CCDC126: variants seen among roughly 807,000 people sequenced by gnomAD.
CCDC126 encodes coiled-coil domain containing 126.
A neutral mutation model predicts 11.7 loss-of-function variants in CCDC126; 5 were observed. That is an observed-to-expected ratio of 0.43 (90% CI 0.22 to 0.90). The LOEUF is 0.90. CCDC126 is among the 40% of genes least tolerant of loss of function. The probability of loss-of-function intolerance (pLI) is 0.27; values close to 1 mark genes in which losing one functional copy is unlikely to be tolerated. For missense variants in CCDC126, 150 were observed against 163.1 expected, an observed-to-expected ratio of 0.92 and a Z score of 0.44; for synonymous variants, 60 against 61.9, an observed-to-expected ratio of 0.97 and a Z score of 0.14.
At chr7:23,642,287 A>G (rs1783375585) in intron 3 of CCDC126, among the ~76,000 whole-genome samples, 1 of 152,184 alleles carries the variant, frequency 6.6e-6, no homozygotes, top group Non-Finnish European at 1.5e-5. Flanking sequence ...TGCTGGGATT[A>G]CAGGTCTGTG....
chr7:23,637,832 G>T (rs1341001160), intron 3 of CCDC126, among the ~76,000 whole-genome samples: 1 of 118,270 alleles, frequency 8.5e-6, no homozygotes, highest in Non-Finnish European at 1.9e-5. Context: ...CTGTCCGGGA[G>T]GGAGGTGGGG....
At chr7:23,622,107 G>A (rs958957096) in intron 3 of CCDC126, among the ~76,000 whole-genome samples, 5 of 152,166 alleles carry the variant, frequency 3.3e-5, no homozygotes, top group Non-Finnish European at 7.3e-5. Flanking sequence ...AAATGAATTA[G>A]GGAGGATTCC....
At chr7:23,599,027 C>A (rs928750737) in intron 2 of CCDC126, among the ~76,000 whole-genome samples, 10 of 152,102 alleles carry the variant, frequency 6.6e-5, no homozygotes, top group African/African-American at 2.4e-4. Flanking sequence ...GTGTTTCTTC[C>A]TGCTTCAGGT....
chr7:23,627,590 T>G (rs1584210467), intron 3 of CCDC126, among the ~76,000 whole-genome samples: 1 of 150,510 alleles, frequency 6.6e-6, no homozygotes, highest in Non-Finnish European at 1.5e-5. Flanking sequence ...AAAGAAAGAC[T>G]GTATAAATAT....
intron 3 of CCDC126, among the ~76,000 whole-genome samples, chr7:23,624,199 A>G (rs959339808): frequency 4.6e-5 from 7 of 152,220 alleles, no homozygotes; most frequent in African/African-American, 1.7e-4. Flanking sequence ...GCTTAAAAAC[A>G]TAAAGAGAAA....
intron 3 of CCDC126, among the ~76,000 whole-genome samples, chr7:23,638,091 T>G (rs868038316): frequency 2.5e-4 from 30 of 117,902 alleles, no homozygotes; most frequent in Middle Eastern, 5.4e-3. Flanking sequence ...GGGAGGGTGG[T>G]GGGGGGGTCA....
intron 3 of CCDC126, among the ~76,000 whole-genome samples, chr7:23,617,384 A>G (rs905390769): frequency 5.9e-5 from 9 of 151,796 alleles, no homozygotes; most frequent in Non-Finnish European, 1.3e-4. Context: ...AGAAAAGGAA[A>G]AAAAAAGCTG....
At chr7:23,634,734 C>T (rs533364691) in intron 3 of CCDC126, among the ~76,000 whole-genome samples, 1 of 152,200 alleles carries the variant, frequency 6.6e-6, no homozygotes, top group East Asian at 1.9e-4. Flanking sequence ...GGTATTTTTT[C>T]CCCTCCGTCT....
rs1449933669 is a variant in CCDC126, at chr7:23,611,234, T to C, written c.-82T>C. The C allele has an allele frequency of 8.6e-6, 7 of 817,888 alleles. No homozygotes were observed. In the East Asian group the frequency reaches 1.7e-4, roughly 20 times the overall value. The allele number at this position is 817,888 out of a possible 1,614,324, so 50.7% of individuals were successfully genotyped here. On this transcript the variant is annotated 5_prime_UTR_variant, in exon 3 of 4. Coordinates refer to ENST00000307471, the MANE Select transcript of CCDC126 (RefSeq NM_138771.4). ...ATATACAATATTGAGGATATTTTTT[T>C]CTTTTTTTTTTCAAGTCTTGATTTG...
At chr7:23,612,367 A>T (rs1014245915) in intron 3 of CCDC126, among the ~76,000 whole-genome samples, 1 of 144,992 alleles carries the variant, frequency 6.9e-6, no homozygotes, top group African/African-American at 2.5e-5. Flanking sequence ...CGGGAGACTG[A>T]GGCAGGATGA....
chr7:23,613,541 A>G (rs1417499475), intron 3 of CCDC126, among the ~76,000 whole-genome samples: 1 of 152,130 alleles, frequency 6.6e-6, no homozygotes, highest in African/African-American at 2.4e-5. Context: ...TTATCTGTTA[A>G]CTTCTCATTA....
intron 2 of CCDC126, among the ~76,000 whole-genome samples, chr7:23,609,733 A>G (rs535631076): frequency 6.6e-6 from 1 of 151,952 alleles, no homozygotes; most frequent in Non-Finnish European, 1.5e-5. Flanking sequence ...GTGGTGGTGC[A>G]TGCCTGTGGT....
Position 23,622,921 on chromosome 7 carries a change from G to T in CCDC126, c.238+11368G>T, listed in dbSNP as rs182134679. The T allele has an allele frequency of 4.1e-4, 120 of 293,218 alleles. 1 individual carries two copies. The highest frequency in any genetic ancestry group is 2.6e-3 in the African/African-American group (114 of 43,834). The allele number at this position is 293,218 out of a possible 1,614,324, so 18.2% of individuals were successfully genotyped here. A position where few individuals can be genotyped will look rare whatever the true frequency, so the allele number is the denominator to read the frequency against. ...CAGTAACATGAATTATTATTCTGTT[G>T]ACCTGTTTGCTCTGCTGTGAGCTGA... is the stretch of plus-strand genomic sequence containing the variant. On this transcript the variant is annotated intron_variant, in intron 3 of 3. Coordinates refer to ENST00000307471, the MANE Select transcript of CCDC126 (RefSeq NM_138771.4).
rs553266182 is a variant in CCDC126, at chr7:23,628,604, G to C, written c.239-14327G>C. Among the ~76,000 whole-genome samples the C allele has an allele frequency of 1.2e-4, 19 of 152,328 alleles. No individual in the cohort carries two copies. In the East Asian group the frequency reaches 2.3e-3, roughly 19 times the overall value. ...AGGCATACAACATTCCTGCCATGGA[G>C]GTGTTAGAGAAGGCAGTAGGAGCCG... On this transcript the variant is annotated intron_variant, in intron 3 of 3. Transcript: ENST00000307471.
intron 3 of CCDC126, among the ~76,000 whole-genome samples, chr7:23,612,969 T>G (rs1353318514): frequency 6.6e-6 from 1 of 152,210 alleles, no homozygotes; most frequent in Non-Finnish European, 1.5e-5. Flanking sequence ...GAACAATGTA[T>G]ATACATGAAT....
rs184752452 is a variant in CCDC126 at position 23,639,986 on chromosome 7, C to T, written c.239-2945C>T. 1.7e-4 allele frequency among the ~76,000 whole-genome samples: 25 copies of T among 151,080 alleles called. 2 individuals are homozygous for T. Among genetic ancestry groups the T allele is most frequent in the African/African-American group, 3.9e-4 (16 of 41,088 alleles). ...AAGTCAGGAGTTCGAGACCAGAGACCAGCCTGGCCAACATGGTGAAACCCT... is the reference window on the plus strand; with the variant it reads ...AAGTCAGGAGTTCGAGACCAGAGACTAGCCTGGCCAACATGGTGAAACCCT... On this transcript the variant is annotated intron_variant, in intron 3 of 3. Transcript: ENST00000307471.
At position 23,603,234 on chromosome 7, in the gene CCDC126, T is replaced by C. The variant is rs543943601; in HGVS notation, c.-146+5183T>C. Among the ~76,000 whole-genome samples the C allele has an allele frequency of 1.2e-3, 184 of 152,358 alleles. 1 individual carries two copies. Among genetic ancestry groups the C allele is most frequent in the African/African-American group, 4.4e-3 (181 of 41,586 alleles). On this transcript the variant is annotated intron_variant, in intron 2 of 3. Coordinates refer to ENST00000307471, the MANE Select transcript of CCDC126 (RefSeq NM_138771.4). ...TTTTGCCTGTATAAAAACTAACATA[T>C]AAGACTTCCGAAATCCTTCTTGTAG...
chr7:23,635,043 G>GGCTA (rs1347493714), intron 3 of CCDC126, among the ~76,000 whole-genome samples: 4 of 152,150 alleles, frequency 2.6e-5, no homozygotes, highest in African/African-American at 7.2e-5. Flanking sequence ...AATCAGGCTA[G>GGCTA]GTCTATGTTT....
chr7:23,619,247 GT>G, intron 3 of CCDC126: 1 of 197,946 alleles, frequency 5.1e-6, no homozygotes, highest in Non-Finnish European at 1.0e-5. Flanking sequence ...TAGGTGATGG[GT>G]TGACAGGTGC....
Sources: gnomAD v4.1 joint callset for allele counts (sites outside exome capture counted in the v4.1 genomes callset) on GRCh38, gnomAD v4.1.1 for gene constraint, MANE v1.5 for transcripts, NCBI Gene and HGNC (gene_info 2026-07-23, HGNC 2026-07-21) for gene names.